M1AP: variants seen among roughly 807,000 people sequenced by gnomAD.
The protein encoded by M1AP is meiosis 1 arrest protein.
In M1AP, 39 loss-of-function variants were observed where a neutral mutation model predicts 51.2. The observed-to-expected ratio is 0.76, with a 90% CI of 0.59 to 1.00. M1AP has a LOEUF of 1.00. Ranked by LOEUF, M1AP falls within the 50% of genes least tolerant of loss-of-function variation. The pLI, the probability that M1AP is intolerant of heterozygous loss-of-function variation, is 0.00. For missense variants in M1AP, 545 were observed against 641.2 expected (o/e 0.85, Z 1.62); for synonymous variants, 251 against 249.2 (o/e 1.01, Z -0.07).
chr2:74,604,670 T>G (rs1273563094), intron 4 of M1AP, among the ~76,000 whole-genome samples: 1 of 152,200 alleles, frequency 6.6e-6, no homozygotes, highest in East Asian at 1.9e-4. Flanking sequence ...GGGTTGGAGA[T>G]CCCTGCTCTA....
chr2:74,597,654 C>A (rs993635857), intron 4 of M1AP, among the ~76,000 whole-genome samples: 3 of 152,148 alleles, frequency 2.0e-5, no homozygotes, highest in African/African-American at 4.8e-5. Flanking sequence ...AGATGGTTTG[C>A]GAGCACTTAG....
intron 4 of M1AP, among the ~76,000 whole-genome samples, chr2:74,585,067 T>C (rs948608359): frequency 7.2e-5 from 11 of 151,980 alleles, no homozygotes; most frequent in Middle Eastern, 3.2e-3. Flanking sequence ...GGTCTCAAAC[T>C]CCTGAGCTCA....
At chr2:74,590,416 T>C (rs1679973339) in intron 4 of M1AP, among the ~76,000 whole-genome samples, 1 of 150,370 alleles carries the variant, frequency 6.7e-6, no homozygotes, top group African/African-American at 2.5e-5. Context: ...ATTTGGTGAT[T>C]AGATTTCAAA....
At chr2:74,582,999 C>A (rs1190855193) in intron 4 of M1AP, among the ~76,000 whole-genome samples, 3 of 151,682 alleles carry the variant, frequency 2.0e-5, no homozygotes, top group African/African-American at 2.4e-5. Context: ...CCAGCCTGGG[C>A]AACTCCATCT....
At chr2:74,592,023 C>T (rs112851620) in intron 4 of M1AP, among the ~76,000 whole-genome samples, 5 of 151,868 alleles carry the variant, frequency 3.3e-5, no homozygotes, top group African/African-American at 9.7e-5. Context: ...AGGCTGGTCT[C>T]GAACTACTGA....
chr2:74,630,670 T>C (rs1682653255), intron 2 of M1AP, among the ~76,000 whole-genome samples: 1 of 152,170 alleles, frequency 6.6e-6, no homozygotes, highest in South Asian at 2.1e-4. Context: ...TCTCATTCCT[T>C]TTTATGGCTG....
chr2:74,560,446 CT>C (rs1677843436), intron 8 of M1AP, among the ~76,000 whole-genome samples, 155 bp from the exon 9 acceptor site: 1 of 152,154 alleles, frequency 6.6e-6, no homozygotes, highest in Non-Finnish European at 1.5e-5. Context: ...CCTGGGTGTT[CT>C]GGCCTGAGGT....
intron 4 of M1AP, among the ~76,000 whole-genome samples, chr2:74,595,838 A>T (rs1366469957): frequency 6.6e-6 from 1 of 152,174 alleles, no homozygotes; most frequent in Non-Finnish European, 1.5e-5. Flanking sequence ...AATTCCCACA[A>T]GGTCTTTGCA....
At chr2:74,607,479 A>C (rs1433182291) in intron 3 of M1AP, among the ~76,000 whole-genome samples, 1 of 152,022 alleles carries the variant, frequency 6.6e-6, no homozygotes, top group African/African-American at 2.4e-5. Flanking sequence ...TGTATGTTTT[A>C]GTCTTTTTTT....
Position 74,640,051 on chromosome 2 carries a change from G to A in M1AP, c.225C>T (p.Cys75=), listed in dbSNP as rs754165954. 6.2e-7 allele frequency: 1 copy of A among 1,613,940 alleles called. No homozygotes were observed. The change falls in exon 2 of 11, where the codon TGC becomes TGT. Residue 75 remains cysteine (C), a synonymous_variant. Coordinates refer to ENST00000421985, the MANE Select transcript of M1AP (RefSeq NM_001321739.2). ...ATATACTTACCACAAAAGGGAGGAT[G>A]CACTCATGCTGATCTTGTACCATGT... The part of the protein sequence containing the change: ...SLYMVQDQHE[C]ILPFVQVKGN...
At chr2:74,599,884 G>A (rs1489251848) in intron 4 of M1AP, among the ~76,000 whole-genome samples, 2 of 151,130 alleles carry the variant, frequency 1.3e-5, no homozygotes, top group African/African-American at 2.4e-5. Flanking sequence ...AGGCTGGAGT[G>A]CACTGATGCG....
rs1187491728 is a variant in M1AP at position 74,612,965 on chromosome 2, G to GT, written c.426+1998dup. Among the ~76,000 whole-genome samples, 5 of 147,956 alleles carry GT rather than the reference G, an allele frequency of 3.4e-5. No individual in the cohort carries two copies. In the South Asian group the frequency reaches 6.3e-4, roughly 19 times the overall value. On this transcript the variant is annotated intron_variant, in intron 3 of 10. Transcript: ENST00000421985. ...ACAGTTCTTGAATATTCTGCTCTGGGTTTTTTTTCCAGTTTTTTTTTCTCT... is the reference window on the plus strand; with the variant it reads ...ACAGTTCTTGAATATTCTGCTCTGGGTTTTTTTTTCCAGTTTTTTTTTCTCT...
At chr2:74,627,203 A>C (rs1265119644) in intron 2 of M1AP, among the ~76,000 whole-genome samples, 1 of 152,152 alleles carries the variant, frequency 6.6e-6, no homozygotes, top group Admixed American at 6.5e-5. Context: ...TATCAATAGT[A>C]TTTTAAGTCA....
chr2:74,580,496 G>GT (rs1679334318), intron 5 of M1AP, among the ~76,000 whole-genome samples: 1 of 152,150 alleles, frequency 6.6e-6, no homozygotes, highest in Non-Finnish European at 1.5e-5. Context: ...TTGAAATGGG[G>GT]GAGAGAGGAA....
chr2:74,587,325 A>T (rs1679772635), intron 4 of M1AP, among the ~76,000 whole-genome samples: 1 of 151,712 alleles, frequency 6.6e-6, no homozygotes, highest in Non-Finnish European at 1.5e-5. Flanking sequence ...CAGCCTCCCG[A>T]GTAGCTGGGA....
intron 4 of M1AP, among the ~76,000 whole-genome samples, chr2:74,593,939 G>C (rs1199606448): frequency 6.6e-6 from 1 of 152,216 alleles, no homozygotes; most frequent in African/African-American, 2.4e-5. Flanking sequence ...GAGTGAGGAA[G>C]AAATCCATGA....
intron 4 of M1AP, among the ~76,000 whole-genome samples, chr2:74,602,655 A>G (rs1401532517): frequency 6.6e-6 from 1 of 152,242 alleles, no homozygotes; most frequent in African/African-American, 2.4e-5. Flanking sequence ...AACAACACCA[A>G]GATGAAGTAA....
intron 8 of M1AP, among the ~76,000 whole-genome samples, chr2:74,561,195 G>A (rs1677955784): frequency 7.0e-6 from 1 of 143,108 alleles, no homozygotes; most frequent in Admixed American, 7.0e-5. Flanking sequence ...AGGAGGAGGA[G>A]GAGAAGGAGG....
intron 2 of M1AP, 95 bp from the exon 3 acceptor site, chr2:74,615,244 T>C: frequency 2.8e-6 from 3 of 1,070,714 alleles, no homozygotes; most frequent in Non-Finnish European, 4.1e-6. Flanking sequence ...TCCTCAGAAG[T>C]TCCTTCCCTT....
Sources: allele counts gnomAD v4.1 joint callset (sites outside exome capture counted in the v4.1 genomes callset), GRCh38; gene constraint gnomAD v4.1.1; transcripts MANE v1.5; gene names NCBI Gene and HGNC (gene_info 2026-07-23, HGNC 2026-07-21).